Variants in SEMA3E observed in about 807,000 individuals in gnomAD.
SEMA3E encodes the protein semaphorin 3E, also known as semaphorin-3E.
SEMA3E carries 49 observed loss-of-function variants against 93.6 expected under a neutral mutation model. The ratio of observed to expected loss-of-function variants is 0.52; its 90% CI spans 0.42 to 0.66. The LOEUF is 0.66. SEMA3E is among the 30% of genes least tolerant of loss of function. The pLI, the probability that SEMA3E is intolerant of heterozygous loss-of-function variation, is 0.00. For synonymous variants in SEMA3E, 363 were observed against 330.7 expected (o/e 1.10, Z -1.06); for missense variants, 906 against 964.8 (o/e 0.94, Z 0.81).
chr7:83,469,160 TA>T, intron 3 of SEMA3E, 82 bp downstream of exon 3: 2 of 1,149,828 alleles, frequency 1.7e-6, no homozygotes, highest in Non-Finnish European at 2.6e-6. Context: ...TAAGAGCAAA[TA>T]AAAATTTCAG....
At chr7:83,538,739 T>C (rs1791459573) in intron 1 of SEMA3E, among the ~76,000 whole-genome samples, 1 of 152,232 alleles carries the variant, frequency 6.6e-6, no homozygotes, top group African/African-American at 2.4e-5. Context: ...TCTTTGTACT[T>C]CTCACAACTA....
chr7:83,373,432 C>T (rs1794776811), intron 16 of SEMA3E, among the ~76,000 whole-genome samples: 2 of 152,034 alleles, frequency 1.3e-5, no homozygotes, highest in South Asian at 4.1e-4. Context: ...ATTTATTTTA[C>T]TTACAGAAAA....
At chr7:83,558,958 G>T (rs1487662301) in intron 1 of SEMA3E, among the ~76,000 whole-genome samples, 1 of 151,926 alleles carries the variant, frequency 6.6e-6, no homozygotes, top group East Asian at 1.9e-4. Flanking sequence ...GATGTTTTTT[G>T]ACCTTTTTCA....
At chr7:83,547,381 C>T (rs1163062442) in intron 1 of SEMA3E, among the ~76,000 whole-genome samples, 1 of 152,062 alleles carries the variant, frequency 6.6e-6, no homozygotes, top group Non-Finnish European at 1.5e-5. Context: ...ATAAACTTTT[C>T]TAATTTTTCT....
At position 83,523,073 on chromosome 7, in the gene SEMA3E, T is replaced by A. The variant is rs538245133; in HGVS notation, c.116-32799A>T. On this transcript the variant is annotated intron_variant, in intron 1 of 16. Transcript: ENST00000643230. Reference sequence around the variant, plus strand: ...TAAGAACGGGGTGAATCCGAGGAAATAGGAAGTTGGCAGATGGCAGGAGCA... The same window carrying A: ...TAAGAACGGGGTGAATCCGAGGAAAAAGGAAGTTGGCAGATGGCAGGAGCA... Among the ~76,000 whole-genome samples, 16 of 152,146 alleles carry A rather than the reference T, an allele frequency of 1.1e-4. No individual in the cohort carries two copies. In the East Asian group the frequency reaches 2.5e-3, roughly 24 times the overall value.
In SEMA3E at chr7:83,367,497, G is replaced by C; in HGVS notation, c.*89C>G. The C allele has an allele frequency of 7.7e-7, 1 of 1,303,292 alleles. No homozygotes were observed. Among genetic ancestry groups the C allele is most frequent in the South Asian group, 1.2e-5 (1 of 84,002 alleles). The allele number at this position is 1,303,292 out of a possible 1,614,324, so 80.7% of individuals were successfully genotyped here. ...CCTGTATTACAGAAATCTCTTTTAA[G>C]TAATGCAAAGAAGTTGGATGATTTA... On this transcript the variant is annotated 3_prime_UTR_variant, in exon 17 of 17. Transcript: ENST00000643230.
At chr7:83,402,482 A>T (rs780289389) in intron 10 of SEMA3E, 150 bp downstream of exon 10, 1 of 658,640 alleles carries the variant, frequency 1.5e-6, no homozygotes, top group Non-Finnish European at 2.6e-6. Context: ...TTGAAGGAAT[A>T]TTTTTTTACT....
Position 83,367,204 on chromosome 7 carries a change from T to G in SEMA3E, c.*382A>C, listed in dbSNP as rs1331939579. 2 of 218,018 alleles carry G rather than the reference T, an allele frequency of 9.2e-6. No homozygotes were observed. Among genetic ancestry groups the G allele is most frequent in the East Asian group, 2.4e-4 (2 of 8,378 alleles). The allele number at this position is 218,018 out of a possible 1,614,324, so 13.5% of individuals were successfully genotyped here. On this transcript the variant is annotated 3_prime_UTR_variant, in exon 17 of 17. Transcript: ENST00000643230. ...ATGGAAAAGAAAAATTCAGAAATAT[T>G]AAAACATATTTAGTTTTATATTTAC...
intron 4 of SEMA3E, among the ~76,000 whole-genome samples, chr7:83,441,327 C>T (rs986226819): frequency 6.6e-6 from 1 of 151,906 alleles, no homozygotes; most frequent in Admixed American, 6.6e-5. Context: ...GATAACATTT[C>T]ATATGGGGAA....
intron 16 of SEMA3E, among the ~76,000 whole-genome samples, chr7:83,368,467 C>T (rs1013309917): frequency 5.9e-5 from 9 of 152,236 alleles, no homozygotes; most frequent in African/African-American, 1.7e-4. Flanking sequence ...CACATTCTTT[C>T]AGGAATGATT....
At chr7:83,542,214 T>C (rs1442515730) in intron 1 of SEMA3E, among the ~76,000 whole-genome samples, 1 of 151,038 alleles carries the variant, frequency 6.6e-6, no homozygotes, top group Non-Finnish European at 1.5e-5. Context: ...TAGCCAGGCA[T>C]GGTGGCACAC....
intron 1 of SEMA3E, among the ~76,000 whole-genome samples, chr7:83,605,819 T>C (rs573037068): frequency 3.0e-4 from 45 of 152,308 alleles, no homozygotes; most frequent in Non-Finnish European, 5.1e-4. Context: ...TAAATTTGTT[T>C]AAGTTCCTTG....
chr7:83,589,040 A>G (rs759081364), intron 1 of SEMA3E, among the ~76,000 whole-genome samples: 2 of 152,092 alleles, frequency 1.3e-5, no homozygotes, highest in African/African-American at 2.4e-5. Context: ...TGGAAAGGAG[A>G]GCTCTCCTTC....
At chr7:83,446,935 T>A (rs867765553) in intron 4 of SEMA3E, among the ~76,000 whole-genome samples, 4 of 152,216 alleles carry the variant, frequency 2.6e-5, no homozygotes, top group African/African-American at 9.6e-5. Context: ...TTTATTAATA[T>A]TCTTATTAGA....
At chr7:83,579,831 CTGAATTTTT>C (rs1269929053) in intron 1 of SEMA3E, among the ~76,000 whole-genome samples, 1 of 152,042 alleles carries the variant, frequency 6.6e-6, no homozygotes, top group South Asian at 2.1e-4. Context: ...TCAAAAACTA[CTGAATTTTT>C]TTAATTGGCT....
intron 1 of SEMA3E, among the ~76,000 whole-genome samples, chr7:83,557,262 T>C (rs1053034777): frequency 1.3e-5 from 2 of 151,702 alleles, no homozygotes; most frequent in African/African-American, 4.8e-5. Context: ...AAAATGAACC[T>C]TACTAATTTT....
At position 83,420,123 on chromosome 7, in the gene SEMA3E, G is replaced by C. The variant is rs12668853; in HGVS notation, c.457-1640C>G. On this transcript the variant is annotated intron_variant, in intron 4 of 16. Transcript: ENST00000643230. ...ATACAAAATCAATGTCTAAAAATCAGCAAAATTTCTATACACATATAGCAT... is the reference window on the plus strand; with the variant it reads ...ATACAAAATCAATGTCTAAAAATCACCAAAATTTCTATACACATATAGCAT... 5.3e-5 allele frequency among the ~76,000 whole-genome samples: 8 copies of C among 152,018 alleles called. No homozygotes were observed. In the East Asian group the frequency reaches 1.5e-3, roughly 29 times the overall value.
chr7:83,487,698 T>TGTGTGA, intron 2 of SEMA3E, among the ~76,000 whole-genome samples: 1 of 151,202 alleles, frequency 6.6e-6, no homozygotes, highest in Non-Finnish European at 1.5e-5. Flanking sequence ...TGTGTGTGTG[T>TGTGTGA]GTGTGTGTGT....
At chr7:83,600,945 A>T (rs1792983193) in intron 1 of SEMA3E, among the ~76,000 whole-genome samples, 1 of 152,182 alleles carries the variant, frequency 6.6e-6, no homozygotes, top group Non-Finnish European at 1.5e-5. Context: ...GACCTTAAAG[A>T]CTTGATTAAA....
Sources: allele counts gnomAD v4.1 joint callset (sites outside exome capture counted in the v4.1 genomes callset), GRCh38; gene constraint gnomAD v4.1.1; transcripts MANE v1.5; gene names NCBI Gene and HGNC (gene_info 2026-07-23, HGNC 2026-07-21).